ABAT: variants seen among roughly 807,000 people sequenced by gnomAD.
The protein encoded by ABAT is 4-aminobutyrate aminotransferase, mitochondrial.
A neutral mutation model predicts 64.6 loss-of-function variants in ABAT; 45 were observed. The observed-to-expected ratio is 0.70, with a 90% confidence interval of 0.55 to 0.89. ABAT has a LOEUF of 0.89. Ranked by LOEUF, ABAT falls within the 40% of genes least tolerant of loss-of-function variation. The pLI is 0.00. For missense variants in ABAT, 633 were observed against 658.4 expected, an observed-to-expected ratio of 0.96 and a Z score of 0.42; for synonymous variants, 297 against 250.5, an observed-to-expected ratio of 1.19 and a Z score of -1.75.
chr16:8,701,873 C>T, intron 1 of ABAT, among the ~76,000 whole-genome samples: 1 of 151,170 alleles, frequency 6.6e-6, no homozygotes, highest in East Asian at 2.0e-4. Flanking sequence ...TTGGGTCAGG[C>T]TCATCTGGCA....
At chr16:8,756,859 T>C (rs146727247) in intron 5 of ABAT, among the ~76,000 whole-genome samples, 7 of 152,306 alleles carry the variant, frequency 4.6e-5, no homozygotes, top group African/African-American at 1.7e-4. Context: ...GATAAATTCA[T>C]AGAAGAGCAA....
chr16:8,772,820 C>T lies in ABAT; in HGVS notation c.857C>T (p.Thr286Met), dbSNP rs778229930. Residue 286 changes from threonine to methionine, a missense_variant, in exon 12 of 16, where the codon ACG (threonine) becomes ATG (methionine). Physicochemically the swap from Thr to Met is moderately conservative, Grantham distance 81. Coordinates refer to ENST00000268251, the MANE Select transcript of ABAT (RefSeq NM_020686.6). ...LIVKYRKKKK[T>M]VAGIIVEPIQ... ...GTGAAATATCGGAAAAAGAAGAAGACGGTGGCCGGGATCATCGTGGAGCCC... is the reference window on the plus strand; with the variant it reads ...GTGAAATATCGGAAAAAGAAGAAGATGGTGGCCGGGATCATCGTGGAGCCC... 31 of 1,613,924 alleles carry T rather than the reference C, an allele frequency of 1.9e-5. No individual in the cohort carries two copies. The highest frequency in any genetic ancestry group is 2.7e-5 in the African/African-American group (2 of 74,876).
Position 8,738,001 on chromosome 16 carries a change from A to G in ABAT, c.70+2192A>G, listed in dbSNP as rs1242331278. ...GGAAGGAAGGAAGGAGGAAAGAAAG[A>G]AAGAAAGAAAGAAAGGAAAGAAAGA... On this transcript the variant is annotated intron_variant, in intron 2 of 15. Coordinates refer to ENST00000268251, the MANE Select transcript of ABAT (RefSeq NM_020686.6). 4.9e-4 allele frequency among the ~76,000 whole-genome samples: 50 copies of G among 102,728 alleles called. 4 individuals carry two copies. The highest frequency in any genetic ancestry group is 3.8e-3 in the East Asian group (11 of 2,914). The allele number at this position is 102,728 out of a possible 152,430, so 67.4% of individuals were successfully genotyped here.
intron 4 of ABAT, among the ~76,000 whole-genome samples, chr16:8,749,378 C>A (rs2142702815): frequency 7.0e-6 from 1 of 142,854 alleles, no homozygotes; most frequent in South Asian, 2.3e-4. Flanking sequence ...TGAGCCACCG[C>A]ACCCGGCCTT....
chr16:8,731,817 C>A lies in ABAT; in HGVS notation c.-41-3882C>A, dbSNP rs568705113. On this transcript the variant is annotated intron_variant, in intron 1 of 15. Coordinates refer to ENST00000268251, the MANE Select transcript of ABAT (RefSeq NM_020686.6). ...AAACAATGTCCTTTTTTCCCTTCCC[C>A]CAGCCCTCGGCAACCTCTTTTTCCT... 4.6e-5 allele frequency among the ~76,000 whole-genome samples: 7 copies of A among 152,044 alleles called. No homozygotes were observed. The South Asian group carries it at 1.5e-3, about 32-fold the overall frequency.
At chr16:8,689,029 G>A (rs962689255) in intron 1 of ABAT, among the ~76,000 whole-genome samples, 11 of 150,424 alleles carry the variant, frequency 7.3e-5, no homozygotes, top group Non-Finnish European at 1.2e-4. Flanking sequence ...GCAGTGAGCC[G>A]AGATTGCACC....
chr16:8,705,350 A>T (rs1376044713), intron 1 of ABAT: 1 of 152,064 alleles, frequency 6.6e-6, no homozygotes, highest in Non-Finnish European at 1.5e-5. Flanking sequence ...AGTATGGGGG[A>T]AACTGCCCCC....
chr16:8,755,676 C>T (rs976344441), intron 5 of ABAT, among the ~76,000 whole-genome samples: 4 of 152,036 alleles, frequency 2.6e-5, no homozygotes, highest in South Asian at 2.1e-4. Context: ...TTTGGAAGGC[C>T]GAGGTGGGTG....
At chr16:8,738,416 T>G in intron 2 of ABAT, 1 of 455,934 alleles carries the variant, frequency 2.2e-6, no homozygotes, top group Non-Finnish European at 4.4e-6. Flanking sequence ...TCACTCATTT[T>G]TCCTTTAATG....
intron 2 of ABAT, among the ~76,000 whole-genome samples, chr16:8,742,732 G>A (rs1847934701): frequency 6.6e-6 from 1 of 151,900 alleles, no homozygotes; most frequent in Non-Finnish European, 1.5e-5. Context: ...CGGGCATGGT[G>A]ACGCATGCCT....
intron 1 of ABAT, among the ~76,000 whole-genome samples, chr16:8,686,188 C>A (rs1223303602): frequency 2.0e-5 from 3 of 152,256 alleles, no homozygotes; most frequent in African/African-American, 7.2e-5. Flanking sequence ...ACTCTGCTGG[C>A]TTCGCAGGCT....
At chr16:8,722,995 C>G (rs1414326024) in intron 1 of ABAT, among the ~76,000 whole-genome samples, 1 of 152,084 alleles carries the variant, frequency 6.6e-6, no homozygotes, top group Non-Finnish European at 1.5e-5. Context: ...TTCCAGCACT[C>G]TGGGAGGCCG....
chr16:8,746,629 C>T (rs532713032), intron 3 of ABAT, among the ~76,000 whole-genome samples: 4 of 151,578 alleles, frequency 2.6e-5, no homozygotes, highest in South Asian at 4.2e-4. Context: ...GATCCACCCG[C>T]GTCAACCTCT....
chr16:8,723,648 G>A lies in ABAT; in HGVS notation c.-41-12051G>A, dbSNP rs530781542. On this transcript the variant is annotated intron_variant, in intron 1 of 15. Coordinates refer to ENST00000268251, the MANE Select transcript of ABAT (RefSeq NM_020686.6). Reference sequence around the variant, plus strand: ...TTGTGTGCCTATGATTGTCCAGGATGTGTTCATCCATTATCCCTAATTCCC... The same window carrying A: ...TTGTGTGCCTATGATTGTCCAGGATATGTTCATCCATTATCCCTAATTCCC... Among the ~76,000 whole-genome samples the A allele has an allele frequency of 2.0e-5, 3 of 151,918 alleles. No individual in the cohort carries two copies. In the East Asian group the frequency reaches 5.8e-4, roughly 29 times the overall value.
chr16:8,710,156 C>T (rs538661636), intron 1 of ABAT, among the ~76,000 whole-genome samples: 77 of 152,058 alleles, frequency 5.1e-4, no homozygotes, highest in South Asian at 2.5e-3. Context: ...GAAATGGAAG[C>T]AAAAATCCCC....
intron 1 of ABAT, chr16:8,720,755 G>C (rs1348524542): frequency 6.6e-6 from 1 of 152,274 alleles, no homozygotes; most frequent in Non-Finnish European, 1.5e-5. Context: ...CAGCAGCTGG[G>C]GCTGCAGACG....
chr16:8,728,730 C>A lies in ABAT; in HGVS notation c.-41-6969C>A, dbSNP rs560356589. Among the ~76,000 whole-genome samples, 45 of 152,174 alleles carry A rather than the reference C, an allele frequency of 3.0e-4. 1 individual carries two copies. In the South Asian group the frequency reaches 5.2e-3, roughly 18 times the overall value. On this transcript the variant is annotated intron_variant, in intron 1 of 15. Transcript: ENST00000268251. ...TTCTACTAAAAATACACAAATTAGC[C>A]AGGTGTGGTGGCACATGCCTATAAT...
chr16:8,761,517 C>A (rs368548784), intron 6 of ABAT, among the ~76,000 whole-genome samples: 1 of 152,224 alleles, frequency 6.6e-6, no homozygotes, highest in Non-Finnish European at 1.5e-5. Flanking sequence ...GCCAAGCACT[C>A]TTTTTGGTGC....
chr16:8,768,369 C>G (rs1294411865), intron 10 of ABAT, 113 bp downstream of exon 10: 3 of 997,576 alleles, frequency 3.0e-6, no homozygotes, highest in Non-Finnish European at 4.4e-6. Flanking sequence ...TGATTGCACA[C>G]AATCCCACTG....
Sources: allele counts gnomAD v4.1 joint callset (sites outside exome capture counted in the v4.1 genomes callset), GRCh38; gene constraint gnomAD v4.1.1; transcripts MANE v1.5; gene names NCBI Gene and HGNC (gene_info 2026-07-23, HGNC 2026-07-21).